The following ZNF841 variants were observed in gnomAD, a reference collection of about 807,000 sequenced individuals.
The protein encoded by ZNF841 is TCONS_00006091.
ZNF841 carries 11 observed loss-of-function variants against 13.0 expected under a neutral mutation model. The ratio of observed to expected loss-of-function variants is 0.85; its 90% confidence interval spans 0.53 to 1.40. The LOEUF is 1.40. ZNF841 is among the 40% of genes most tolerant of loss of function. The pLI, the probability that ZNF841 is intolerant of heterozygous loss-of-function variation, is 0.00. For missense variants in ZNF841, 1,068 were observed against 1,139.5 expected (o/e 0.94, Z 0.90); for synonymous variants, 369 against 381.6 (o/e 0.97, Z 0.38).
rs529932695 is a variant in ZNF841, at chr19:52,090,057, C to T, written c.-143-1055G>A. Reference sequence around the variant, plus strand: ...GACAATATTAAGTCTAGTTTAAAGGCAGCTGGGCATTGGCTAGATTAAGTT... The same window carrying T: ...GACAATATTAAGTCTAGTTTAAAGGTAGCTGGGCATTGGCTAGATTAAGTT... On this transcript the variant is annotated intron_variant, in intron 2 of 6. Transcript: ENST00000594440. 2.6e-5 allele frequency among the ~76,000 whole-genome samples: 4 copies of T among 152,278 alleles called. No individual in the cohort carries two copies. In the South Asian group the frequency reaches 8.3e-4, roughly 32 times the overall value.
intron 4 of ZNF841, among the ~76,000 whole-genome samples, chr19:52,077,866 T>A (rs1433135748): frequency 6.6e-6 from 1 of 152,204 alleles, no homozygotes; most frequent in African/African-American, 2.4e-5. Flanking sequence ...GCAGGACTGA[T>A]GTCGCTGAGG....
At chr19:52,081,097 C>G (rs1327516288) in intron 4 of ZNF841, among the ~76,000 whole-genome samples, 1 of 152,162 alleles carries the variant, frequency 6.6e-6, no homozygotes, top group South Asian at 2.1e-4. Context: ...TTCCAAGATT[C>G]CCTAAGGGGA....
Position 52,077,990 on chromosome 19 carries a change from C to T in ZNF841, c.16-906G>A, listed in dbSNP as rs1463429811. On this transcript the variant is annotated intron_variant, in intron 4 of 6. Coordinates refer to ENST00000594440, the MANE Select transcript of ZNF841 (RefSeq NM_001136499.2). Reference sequence around the variant, plus strand: ...AGCAAGTTCAAGATTAACTTGGAACCGCATAAAGGATCATTATATAGGCTA... The same window carrying T: ...AGCAAGTTCAAGATTAACTTGGAACTGCATAAAGGATCATTATATAGGCTA... Among the ~76,000 whole-genome samples the T allele has an allele frequency of 2.0e-5, 3 of 152,058 alleles. No homozygotes were observed. The East Asian group carries it at 5.8e-4, about 29-fold the overall frequency.
intron 6 of ZNF841, among the ~76,000 whole-genome samples, chr19:52,073,059 C>G (rs1380784216): frequency 2.0e-5 from 3 of 152,050 alleles, no homozygotes; most frequent in Non-Finnish European, 4.4e-5. Flanking sequence ...AGCCACACAC[C>G]TACAACCAAC....
intron 2 of ZNF841, among the ~76,000 whole-genome samples, chr19:52,090,702 A>AGAAG (rs2088462442): frequency 1.3e-5 from 2 of 151,270 alleles, no homozygotes; most frequent in Non-Finnish European, 2.9e-5. Context: ...AAAGAAAGAA[A>AGAAG]GAAAGAGAAA....
rs767323116 is a variant in ZNF841, at chr19:52,076,950, A to G, written c.142+8T>C. 1.9e-6 allele frequency: 3 copies of G among 1,611,710 alleles called. No homozygotes were observed. Among genetic ancestry groups the G allele is most frequent in the South Asian group, 1.1e-5 (1 of 91,060 alleles). On this transcript the variant is annotated splice_region_variant and intron_variant, in intron 5 of 6. Coordinates refer to ENST00000594440, the MANE Select transcript of ZNF841 (RefSeq NM_001136499.2). ...AGATCCTAACTTCTGGAGGAAAACT[A>G]TCCTCACCCAGGAAGCCGAGGTTCC...
rs935258650 is a variant in ZNF841, at chr19:52,064,827, T to G, written c.*280A>C. 4.5e-5 allele frequency: 10 copies of G among 220,064 alleles called. No homozygotes were observed. The highest frequency in any genetic ancestry group is 2.3e-4 in the African/African-American group (10 of 43,728). The allele number at this position is 220,064 out of a possible 1,614,324, so 13.6% of individuals were successfully genotyped here. On this transcript the variant is annotated 3_prime_UTR_variant, in exon 7 of 7. Transcript: ENST00000594440. ...TTTTGTATTTTTGGCAGAAACAGGGTTTCACCATGTTGGCCAGGCTGCTCT... is the reference window on the plus strand; with the variant it reads ...TTTTGTATTTTTGGCAGAAACAGGGGTTCACCATGTTGGCCAGGCTGCTCT...
chr19:52,062,910 C>T (rs1035672994), downstream of ZNF841, among the ~76,000 whole-genome samples: 3 of 134,016 alleles, frequency 2.2e-5, no homozygotes, highest in African/African-American at 5.7e-5. Flanking sequence ...GAGTCTTGCT[C>T]TGTCGCCCAG....
downstream of ZNF841, among the ~76,000 whole-genome samples, chr19:52,060,159 TG>T (rs1437207496): frequency 6.6e-6 from 1 of 152,242 alleles, no homozygotes; most frequent in African/African-American, 2.4e-5. Context: ...ATTGCTTTGC[TG>T]GGTGTTTCTT....
downstream of ZNF841, chr19:52,064,353 CAAAAAAAAAAAAAAAAA>C (rs56135758): frequency 5.4e-4 from 19 of 35,450 alleles, no homozygotes; most frequent in Non-Finnish European, 7.0e-4. Context: ...ACTCCGTCTC[CAAAAAAAAAAAAAAAAA>C]AAAAAAAAAA....
intron 6 of ZNF841, among the ~76,000 whole-genome samples, chr19:52,070,897 C>G (rs2087720175): frequency 6.6e-6 from 1 of 152,050 alleles, no homozygotes. Context: ...ATATGCTAGT[C>G]AGTAACTGGG....
At position 52,066,362 on chromosome 19, in the gene ZNF841, T is replaced by G; in HGVS notation, c.1520A>C (p.His507Pro). 1.2e-6 allele frequency: 2 copies of G among 1,614,164 alleles called. No homozygotes were observed. Among genetic ancestry groups the G allele is most frequent in the Non-Finnish European group, 1.7e-6 (2 of 1,180,010 alleles). Residue 507 changes from histidine to proline, a missense_variant, in exon 7 of 7, where the codon CAT (histidine) becomes CCT (proline). Transcript: ENST00000594440. Reference sequence around the variant, plus strand: ...ACATTTGTAAGGTTTCTCTCCAGTATGAACTCTCTGATGCACTGCAAGATG... The same window carrying G: ...ACATTTGTAAGGTTTCTCTCCAGTAGGAACTCTCTGATGCACTGCAAGATG... The part of the protein sequence containing the change: ...HSHLAVHQRV[H>P]TGEKPYKCNE...
In ZNF841 at chr19:52,085,379, T is replaced by C. The variant is rs180950409; in HGVS notation, c.-77-501A>G. On this transcript the variant is annotated intron_variant, in intron 3 of 6. Transcript: ENST00000594440. ...TTTGCAAACTGCCTCAGCACGCTAA[T>C]GTGAAGCCAGGGTTGAACACATCTT... Among the ~76,000 whole-genome samples, 4 of 152,328 alleles carry C rather than the reference T, an allele frequency of 2.6e-5. No homozygotes were observed. The East Asian group carries it at 7.7e-4, about 29-fold the overall frequency.
Position 52,066,888 on chromosome 19 carries a change from G to T in ZNF841, c.994C>A (p.Leu332Ile). ...CGRIFRQNSDLVNHRRSHTGD... is the reference protein window; with the variant it reads ...CGRIFRQNSDIVNHRRSHTGD... The stretch of plus-strand genomic sequence containing the variant: ...GTGTGACTTCTCCGGTGATTTACAA[G>T]ATCTGAATTTTGTCTGAAGATCCTG... Residue 332 changes from leucine to isoleucine, a missense_variant, in exon 7 of 7, where the codon CTT becomes ATT. Leu to Ile is a conservative substitution (Grantham distance 5). Coordinates refer to ENST00000594440, the MANE Select transcript of ZNF841 (RefSeq NM_001136499.2). The T allele has an allele frequency of 6.2e-7, 1 of 1,614,176 alleles. No homozygotes were observed. The highest frequency in any genetic ancestry group is 8.5e-7 in the Non-Finnish European group (1 of 1,180,034).
the ZNF841 span, among the ~76,000 whole-genome samples, chr19:52,059,370 A>AAAATATATAT: frequency 4.2e-4 from 29 of 69,640 alleles, no homozygotes; most frequent in African/African-American, 2.4e-3. Flanking sequence ...AAAAAAAAAA[A>AAAATATATAT]ATATATATAT....
At chr19:52,090,638 G>A (rs955090951) in intron 2 of ZNF841, among the ~76,000 whole-genome samples, 5 of 96,958 alleles carry the variant, frequency 5.2e-5, no homozygotes, top group East Asian at 3.2e-4. Context: ...AAAGAAGGAA[G>A]GAAGGAAGGA....
intron 4 of ZNF841, among the ~76,000 whole-genome samples, chr19:52,083,700 T>C (rs551852097): frequency 6.6e-6 from 1 of 152,128 alleles, no homozygotes; most frequent in Non-Finnish European, 1.5e-5. Context: ...GCCCTGTTTT[T>C]TACTTGTTTG....
rs142391933 is a variant in ZNF841, at chr19:52,065,649, C to G, written c.2233G>C (p.Val745Leu). The change falls in exon 7 of 7, where the codon GTC becomes CTC. Residue 745 changes from valine to leucine, a missense_variant. Val to Leu is a conservative substitution (Grantham distance 32). Transcript: ENST00000594440. Reference sequence around the variant, plus strand: ...GCCAGGGTTGTAGTGGAGTTAAAGACTTTCCCACATTCAATACATTTGTAT... The same window carrying G: ...GCCAGGGTTGTAGTGGAGTTAAAGAGTTTCCCACATTCAATACATTTGTAT... ...MPYKCIECGK[V>L]FNSTTTLARH... The G allele has an allele frequency of 1.2e-6, 2 of 1,606,870 alleles. No homozygotes were observed. The highest frequency in any genetic ancestry group is 1.3e-5 in the African/African-American group (1 of 74,882).
intron 6 of ZNF841, 52 bp from the exon 7 acceptor site, chr19:52,067,662 T>C: frequency 3.9e-6 from 5 of 1,283,092 alleles, no homozygotes; most frequent in Non-Finnish European, 5.2e-6. Flanking sequence ...TTGGTAAATA[T>C]TATTTTATAC....
Sources: gnomAD v4.1 joint callset for allele counts (sites outside exome capture counted in the v4.1 genomes callset) on GRCh38, gnomAD v4.1.1 for gene constraint, MANE v1.5 for transcripts, NCBI Gene and HGNC (gene_info 2026-07-23, HGNC 2026-07-21) for gene names.